CPQ: variants seen among roughly 807,000 people sequenced by gnomAD.
The protein encoded by CPQ is Ser-Met dipeptidase.
CPQ carries 37 observed loss-of-function variants against 45.7 expected under a neutral mutation model. The ratio of observed to expected loss-of-function variants is 0.81; its 90% CI spans 0.62 to 1.07. The LOEUF (loss-of-function observed/expected upper bound fraction) is 1.07. Among genes scored for constraint, CPQ ranks in the 50% least tolerant of loss-of-function variants. The probability of loss-of-function intolerance (pLI) is 0.00; values close to 1 mark genes in which losing one functional copy is unlikely to be tolerated. For missense variants in CPQ, 537 were observed against 572.9 expected (o/e 0.94, Z 0.64); for synonymous variants, 186 against 205.8 (o/e 0.90, Z 0.82).
rs772446810 is a variant in CPQ at position 96,784,944 on chromosome 8, C to T, written c.47C>T (p.Ser16Phe). The change falls in exon 2 of 8, where the codon TCC becomes TTC. Residue 16 changes from serine to phenylalanine, a missense_variant. Ser to Phe is a radical substitution (Grantham distance 155, BLOSUM62 -2). Coordinates refer to ENST00000220763, the MANE Select transcript of CPQ (RefSeq NM_016134.4). ...FAFFGGVHLL[S>F]LCSGKAICKN... ...TTTTTCGGTGGTGTTCACCTTTTATCCCTGTGCTCTGGGAAAGCTATATGC... is the reference window on the plus strand; with the variant it reads ...TTTTTCGGTGGTGTTCACCTTTTATTCCTGTGCTCTGGGAAAGCTATATGC... 20 of 1,613,336 alleles carry T rather than the reference C, an allele frequency of 1.2e-5. No homozygotes were observed. In the African/African-American group the frequency reaches 2.7e-4, roughly 22 times the overall value.
At chr8:96,904,132 T>A (rs887805318) in intron 4 of CPQ, among the ~76,000 whole-genome samples, 1 of 152,170 alleles carries the variant, frequency 6.6e-6, no homozygotes, top group African/African-American at 2.4e-5. Context: ...CCAGCAGGCT[T>A]CCTACTTGAT....
intron 1 of CPQ, among the ~76,000 whole-genome samples, chr8:96,650,305 A>G (rs1586344724): frequency 6.6e-6 from 1 of 152,254 alleles, no homozygotes; most frequent in Non-Finnish European, 1.5e-5. Context: ...AAGGAATTCT[A>G]TGACAAACAG....
intron 6 of CPQ, among the ~76,000 whole-genome samples, chr8:97,042,909 T>C (rs1199347529): frequency 1.3e-5 from 2 of 152,212 alleles, no homozygotes; most frequent in African/African-American, 4.8e-5. Flanking sequence ...CTTCCAACTA[T>C]GTGGTCAATT....
intron 4 of CPQ, among the ~76,000 whole-genome samples, chr8:96,889,155 C>T (rs1346394441): frequency 2.0e-5 from 3 of 152,172 alleles, no homozygotes; most frequent in Non-Finnish European, 4.4e-5. Context: ...CTGTAGGCAG[C>T]GCGAAGGCAC....
chr8:96,784,755 A>T, intron 1 of CPQ, 109 bp from the exon 2 acceptor site: 1 of 722,554 alleles, frequency 1.4e-6, no homozygotes, highest in Non-Finnish European at 2.3e-6. Flanking sequence ...GATGTTGGGC[A>T]GTGGTTGGGA....
chr8:96,759,145 C>A (rs1352268337), intron 1 of CPQ, among the ~76,000 whole-genome samples: 1 of 152,136 alleles, frequency 6.6e-6, no homozygotes. Flanking sequence ...CTCCTGGGAC[C>A]ATGCCAATAA....
intron 1 of CPQ, among the ~76,000 whole-genome samples, chr8:96,695,667 G>T: frequency 6.6e-6 from 1 of 151,928 alleles, no homozygotes. Flanking sequence ...AGACATTTAT[G>T]CAGCCAAAAA....
chr8:96,751,754 GT>G (rs1366268535), intron 1 of CPQ, among the ~76,000 whole-genome samples: 5 of 152,062 alleles, frequency 3.3e-5, no homozygotes, highest in African/African-American at 1.2e-4. Flanking sequence ...TTTGTTCTAG[GT>G]TTTTTATAGT....
intron 3 of CPQ, among the ~76,000 whole-genome samples, chr8:96,876,757 T>C (rs1347095670): frequency 6.6e-6 from 1 of 152,234 alleles, no homozygotes; most frequent in Non-Finnish European, 1.5e-5. Flanking sequence ...AAATCAACTT[T>C]GTGTTCCTGG....
chr8:97,044,560 T>C (rs144889978), intron 6 of CPQ, among the ~76,000 whole-genome samples: 3,149 of 152,294 alleles, frequency 0.021, 100 homozygotes, highest in African/African-American at 0.067. Context: ...GAGAGGTGCT[T>C]TGCTTTTTAG....
intron 1 of CPQ, among the ~76,000 whole-genome samples, chr8:96,735,376 A>G (rs1809968828): frequency 6.6e-6 from 1 of 152,224 alleles, no homozygotes; most frequent in South Asian, 2.1e-4. Context: ...TCAAGCTTGC[A>G]GAAACCCTTG....
intron 5 of CPQ, among the ~76,000 whole-genome samples, chr8:96,996,095 T>C (rs1809174832): frequency 6.6e-6 from 1 of 151,992 alleles, no homozygotes; most frequent in African/African-American, 2.4e-5. Context: ...TGGTGTTAAG[T>C]GTCAAGCACA....
chr8:96,726,661 C>G (rs542425907), intron 1 of CPQ, among the ~76,000 whole-genome samples: 1 of 152,082 alleles, frequency 6.6e-6, no homozygotes, highest in African/African-American at 2.4e-5. Flanking sequence ...AGAAATCCAC[C>G]TCCATAATCC....
chr8:97,130,442 T>TCC (rs1360570488), intron 7 of CPQ, among the ~76,000 whole-genome samples: 32,914 of 131,852 alleles, frequency 0.25, 4,714 homozygotes, highest in Non-Finnish European at 0.33. Flanking sequence ...TTTTTTTTTT[T>TCC]CCACAAAAAT....
At chr8:96,732,333 C>G (rs1809922760) in intron 1 of CPQ, 1 of 152,192 alleles carries the variant, frequency 6.6e-6, no homozygotes, top group Non-Finnish European at 1.5e-5. Context: ...CAATGTAGAA[C>G]CTTCCAGAGA....
chr8:96,820,316 G>T (rs1400377665), intron 2 of CPQ, among the ~76,000 whole-genome samples: 1 of 151,930 alleles, frequency 6.6e-6, no homozygotes, highest in Non-Finnish European at 1.5e-5. Context: ...AATTTTAGCA[G>T]AATTCATGTT....
intron 4 of CPQ, among the ~76,000 whole-genome samples, chr8:96,914,081 T>C (rs1198175538): frequency 6.6e-6 from 1 of 152,182 alleles, no homozygotes; most frequent in Non-Finnish European, 1.5e-5. Flanking sequence ...ATTATAATAG[T>C]GTGGAGATAC....
intron 1 of CPQ, among the ~76,000 whole-genome samples, chr8:96,741,618 A>G (rs989290235): frequency 1.3e-5 from 2 of 152,064 alleles, no homozygotes; most frequent in Non-Finnish European, 2.9e-5. Flanking sequence ...GTTTAGTGCT[A>G]TAAATTTCCC....
intron 1 of CPQ, among the ~76,000 whole-genome samples, chr8:96,672,866 G>A (rs1286829780): frequency 1.3e-5 from 2 of 152,048 alleles, no homozygotes; most frequent in Non-Finnish European, 2.9e-5. Flanking sequence ...GTTAGATTCA[G>A]GGGGTACATG....
Sources: gnomAD v4.1 joint callset for allele counts (sites outside exome capture counted in the v4.1 genomes callset) on GRCh38, gnomAD v4.1.1 for gene constraint, MANE v1.5 for transcripts, NCBI Gene and HGNC (gene_info 2026-07-23, HGNC 2026-07-21) for gene names.